Variants in GLIS3 observed in about 807,000 individuals in gnomAD.
The protein encoded by GLIS3 is GLIS family zinc finger 3.
GLIS3 carries 53 observed loss-of-function variants against 78.6 expected under a neutral mutation model. The ratio of observed to expected loss-of-function variants is 0.67; its 90% CI spans 0.54 to 0.85. GLIS3 has a LOEUF of 0.85. GLIS3 is among the 40% of genes least tolerant of loss of function. GLIS3 has a pLI of 0.00. For synonymous variants in GLIS3, 684 were observed against 509.9 expected, an observed-to-expected ratio of 1.34 and a Z score of -4.60; for missense variants, 1,703 against 1,231.1, an observed-to-expected ratio of 1.38 and a Z score of -5.74.
chr9:4,285,591 C>G (rs1827914983), intron 2 of GLIS3: 1 of 153,194 alleles, frequency 6.5e-6, no homozygotes, highest in Non-Finnish European at 1.4e-5. Context: ...CTTTTCCTTC[C>G]AAACACCACC....
chr9:4,478,965 A>G, the GLIS3 span, among the ~76,000 whole-genome samples: 1 of 152,234 alleles, frequency 6.6e-6, no homozygotes, highest in Non-Finnish European at 1.5e-5. Context: ...TTGGGGATAG[A>G]GAAAAAATTA....
chr9:4,058,327 G>T (rs1244287672), intron 4 of GLIS3, among the ~76,000 whole-genome samples: 1 of 151,836 alleles, frequency 6.6e-6, no homozygotes, highest in Non-Finnish European at 1.5e-5. Flanking sequence ...AAAAAGCATG[G>T]CAGAGAGTAA....
chr9:4,268,053 G>A (rs890856885), intron 2 of GLIS3, among the ~76,000 whole-genome samples: 53 of 151,222 alleles, frequency 3.5e-4, no homozygotes, highest in Admixed American at 5.3e-4. Flanking sequence ...GCGTGCGTGC[G>A]CACACACACA....
chr9:4,005,389 C>G (rs536137001), intron 4 of GLIS3, among the ~76,000 whole-genome samples: 1 of 152,252 alleles, frequency 6.6e-6, no homozygotes, highest in African/African-American at 2.4e-5. Flanking sequence ...ACATCATGCA[C>G]ACATCCATAG....
chr9:3,853,245 CCAA>C, intron 9 of GLIS3, among the ~76,000 whole-genome samples: 1 of 151,980 alleles, frequency 6.6e-6, no homozygotes, highest in Admixed American at 6.5e-5. Flanking sequence ...TAAAAAAATC[CCAA>C]CAATTTCAAG....
chr9:3,894,645 G>A lies in GLIS3; in HGVS notation c.2128+4046C>T, dbSNP rs112014258. Among the ~76,000 whole-genome samples the A allele has an allele frequency of 1.6e-3, 238 of 152,106 alleles. 1 individual carries two copies. Among genetic ancestry groups the A allele is most frequent in the African/African-American group, 5.5e-3 (227 of 41,510 alleles). ...GGGTAAAGTGAAGAGAATAACACGT[G>A]ACTTCAAATAATCCTGCTCCAAAAA... On this transcript the variant is annotated intron_variant, in intron 7 of 10. Coordinates refer to ENST00000381971, the MANE Select transcript of GLIS3 (RefSeq NM_001042413.2).
At chr9:4,451,507 C>T in the GLIS3 span, among the ~76,000 whole-genome samples, 13 of 152,202 alleles carry the variant, frequency 8.5e-5, no homozygotes, top group Non-Finnish European at 1.9e-4. Flanking sequence ...ACCTAATAGA[C>T]ATCTACAGAA....
intron 2 of GLIS3, among the ~76,000 whole-genome samples, chr9:4,226,398 A>G (rs1185415006): frequency 1.3e-5 from 2 of 152,174 alleles, no homozygotes; most frequent in African/African-American, 4.8e-5. Flanking sequence ...TATATGTTGA[A>G]TAAATGAAGA....
chr9:3,860,934 T>C (rs1820173886), intron 8 of GLIS3, among the ~76,000 whole-genome samples: 1 of 152,186 alleles, frequency 6.6e-6, no homozygotes, highest in African/African-American at 2.4e-5. Flanking sequence ...TGAAGAAATT[T>C]AGTAAGCAAT....
chr9:4,185,816 T>G (rs1817735470), intron 2 of GLIS3, among the ~76,000 whole-genome samples: 3 of 152,046 alleles, frequency 2.0e-5, no homozygotes, highest in African/African-American at 7.2e-5. Flanking sequence ...TTTGGCCTCT[T>G]GCAAGAGTTC....
the GLIS3 span, among the ~76,000 whole-genome samples, chr9:4,456,674 C>T: frequency 1.3e-5 from 2 of 152,302 alleles, no homozygotes; most frequent in Admixed American, 6.5e-5. Context: ...TAATTTAAAG[C>T]AACTCTTCCT....
At chr9:4,477,981 A>G in the GLIS3 span, among the ~76,000 whole-genome samples, 1 of 152,248 alleles carries the variant, frequency 6.6e-6, no homozygotes, top group African/African-American at 2.4e-5. Context: ...GAAAAGGCCC[A>G]GAAACAACAT....
chr9:4,201,294 A>C (rs1819369325), intron 2 of GLIS3, among the ~76,000 whole-genome samples: 1 of 152,198 alleles, frequency 6.6e-6, no homozygotes, highest in Non-Finnish European at 1.5e-5. Flanking sequence ...GACCACTTTC[A>C]CCAGTCTTAA....
At chr9:4,065,192 A>G (rs933276413) in intron 4 of GLIS3, among the ~76,000 whole-genome samples, 1 of 152,152 alleles carries the variant, frequency 6.6e-6, no homozygotes, top group Admixed American at 6.5e-5. Flanking sequence ...CCTAGGGGCA[A>G]AAACACCTCT....
intron 2 of GLIS3, among the ~76,000 whole-genome samples, chr9:4,278,046 A>C (rs1827189330): frequency 6.6e-6 from 1 of 152,128 alleles, no homozygotes; most frequent in Non-Finnish European, 1.5e-5. Context: ...TTTTTAAACT[A>C]ATTTCTATTA....
intron 2 of GLIS3, among the ~76,000 whole-genome samples, chr9:4,219,445 G>A (rs192134010): frequency 1.0e-3 from 155 of 152,296 alleles, no homozygotes; most frequent in African/African-American, 2.9e-3. Context: ...ACTTAGTGTA[G>A]TATACAAATG....
At chr9:3,963,704 G>C (rs186157393) in intron 4 of GLIS3, among the ~76,000 whole-genome samples, 1 of 152,238 alleles carries the variant, frequency 6.6e-6, no homozygotes, top group Non-Finnish European at 1.5e-5. Flanking sequence ...TAGAAATGCA[G>C]GTAAAGCACA....
At chr9:3,861,380 A>G (rs1443271692) in intron 8 of GLIS3, among the ~76,000 whole-genome samples, 1 of 152,078 alleles carries the variant, frequency 6.6e-6, no homozygotes, top group Non-Finnish European at 1.5e-5. Context: ...AACCAGAAAT[A>G]CCATTTGACC....
At chr9:4,371,748 T>G in the GLIS3 span, among the ~76,000 whole-genome samples, 1 of 152,236 alleles carries the variant, frequency 6.6e-6, no homozygotes, top group East Asian at 1.9e-4. Context: ...TTACTTCTCT[T>G]AGGCTTTAAA....
Sources: gnomAD v4.1 joint callset for allele counts (sites outside exome capture counted in the v4.1 genomes callset) on GRCh38, gnomAD v4.1.1 for gene constraint, MANE v1.5 for transcripts, NCBI Gene and HGNC (gene_info 2026-07-23, HGNC 2026-07-21) for gene names.